Variants in CNMD observed in about 807,000 individuals in gnomAD.
The protein encoded by CNMD is chondromodulin.
In CNMD, 30 loss-of-function variants were observed where a neutral mutation model predicts 37.5. The ratio of observed to expected loss-of-function variants is 0.80; its 90% CI spans 0.60 to 1.09. The LOEUF (loss-of-function observed/expected upper bound fraction) is 1.09, where lower values mean the gene tolerates loss of function less well. CNMD is among the 50% of genes least tolerant of loss of function. The pLI is 0.00. For missense variants in CNMD, 398 were observed against 423.9 expected (o/e 0.94, Z 0.54); for synonymous variants, 167 against 148.2 (o/e 1.13, Z -0.92).
At chr13:52,717,844 A>T (rs1276538934) in intron 4 of CNMD, among the ~76,000 whole-genome samples, 2 of 152,160 alleles carry the variant, frequency 1.3e-5, no homozygotes, top group Non-Finnish European at 2.9e-5. Context: ...TATCAGGATG[A>T]TGCTGGTCTC....
At chr13:52,713,096 A>T (rs1169199773) in intron 4 of CNMD, among the ~76,000 whole-genome samples, 2 of 152,184 alleles carry the variant, frequency 1.3e-5, no homozygotes, top group African/African-American at 4.8e-5. Context: ...TAGCTGTACC[A>T]TGTGAATATA....
intron 5 of CNMD, among the ~76,000 whole-genome samples, chr13:52,708,936 T>C (rs902491498): frequency 6.6e-6 from 1 of 152,196 alleles, no homozygotes; most frequent in African/African-American, 2.4e-5. Context: ...AAGATGACAT[T>C]GTAAGATGGC....
chr13:52,732,267 C>T (rs1214861393), intron 3 of CNMD, among the ~76,000 whole-genome samples: 5 of 152,202 alleles, frequency 3.3e-5, no homozygotes, highest in African/African-American at 4.8e-5. Flanking sequence ...GTTTCACCTA[C>T]TCCATCTGCA....
intron 6 of CNMD, among the ~76,000 whole-genome samples, chr13:52,705,239 G>C (rs1964155137): frequency 6.6e-6 from 1 of 152,098 alleles, no homozygotes; most frequent in South Asian, 2.1e-4. Context: ...GTATTTTAAA[G>C]TAAATTCTGA....
chr13:52,735,740 G>A (rs1329000632), intron 2 of CNMD, among the ~76,000 whole-genome samples: 3 of 151,068 alleles, frequency 2.0e-5, no homozygotes, highest in Non-Finnish European at 2.9e-5. Context: ...GTGTTGGGTT[G>A]TATTCAAAAC....
chr13:52,726,302 T>A (rs541871955), intron 3 of CNMD, among the ~76,000 whole-genome samples: 1 of 152,308 alleles, frequency 6.6e-6, no homozygotes, highest in African/African-American at 2.4e-5. Flanking sequence ...GACTACCATA[T>A]GAAAGAGAAA....
intron 5 of CNMD, among the ~76,000 whole-genome samples, chr13:52,711,615 G>C (rs775442710): frequency 6.6e-6 from 1 of 152,230 alleles, no homozygotes; most frequent in Non-Finnish European, 1.5e-5. Context: ...ATCTTCTCCA[G>C]CTTTGGGACA....
At chr13:52,735,062 T>TGTC (rs35813422) in intron 2 of CNMD, among the ~76,000 whole-genome samples, 15,586 of 152,224 alleles carry the variant, frequency 0.1, 961 homozygotes, top group African/African-American at 0.18. Flanking sequence ...TGCAATTTAC[T>TGTC]GTCTCCTAGG....
At chr13:52,719,137 C>T (rs796138662) in intron 4 of CNMD, among the ~76,000 whole-genome samples, 1 of 121,956 alleles carries the variant, frequency 8.2e-6, no homozygotes, top group Non-Finnish European at 1.8e-5. Flanking sequence ...TTATCAGAGA[C>T]TAGGATTGCA....
chr13:52,735,780 T>C (rs1203900265), intron 2 of CNMD, among the ~76,000 whole-genome samples: 1 of 151,642 alleles, frequency 6.6e-6, no homozygotes, highest in African/African-American at 2.4e-5. Flanking sequence ...GACCACAGAT[T>C]GGACAAGCTT....
chr13:52,735,827 C>CTT (rs34873599), intron 2 of CNMD, among the ~76,000 whole-genome samples: 22 of 120,606 alleles, frequency 1.8e-4, no homozygotes, highest in East Asian at 4.4e-4. Context: ...TGCGGCCCAC[C>CTT]TTTTTTTTTT....
chr13:52,727,063 C>T (rs529280405), intron 3 of CNMD, among the ~76,000 whole-genome samples: 27 of 152,034 alleles, frequency 1.8e-4, no homozygotes, highest in African/African-American at 3.1e-4. Context: ...GTCAGGAGTT[C>T]GAGACCAGCC....
chr13:52,723,972 C>T (rs1425437178), intron 4 of CNMD, 25 bp downstream of exon 4: 1 of 1,409,708 alleles, frequency 7.1e-7, no homozygotes, highest in Admixed American at 1.7e-5. Flanking sequence ...AGCAGTCTCA[C>T]TGTCTCAGGC....
At chr13:52,710,193 G>T (rs1023295803) in intron 5 of CNMD, among the ~76,000 whole-genome samples, 1 of 152,168 alleles carries the variant, frequency 6.6e-6, no homozygotes, top group African/African-American at 2.4e-5. Flanking sequence ...GAACTAAGAT[G>T]TGCTTTAAAG....
intron 3 of CNMD, among the ~76,000 whole-genome samples, chr13:52,728,595 T>C (rs1363666495): frequency 6.6e-6 from 1 of 152,160 alleles, no homozygotes; most frequent in East Asian, 1.9e-4. Context: ...GGCATGTAAA[T>C]TTAGGACTCA....
intron 3 of CNMD, among the ~76,000 whole-genome samples, chr13:52,727,725 T>C (rs1964599595): frequency 6.6e-6 from 1 of 152,138 alleles, no homozygotes; most frequent in Non-Finnish European, 1.5e-5. Context: ...ATGTTCTCTC[T>C]CCTATGTGGG....
rs1594294229 is a variant in CNMD, at chr13:52,739,379, G to A, written c.73-208C>T. 1.5e-6 allele frequency: 1 copy of A among 672,570 alleles called. No homozygotes were observed. 41.7% of individuals were successfully genotyped at this position (672,570 alleles called of 1,614,324 possible). A position where few individuals can be genotyped will look rare whatever the true frequency, so the allele number is the denominator to read the frequency against. ...CGTGGAAGTGGGATGAGCAAACCCC[G>A]CAGCACAGGGCCTTCGCCCCAGGAC... On this transcript the variant is annotated intron_variant, in intron 1 of 6. Coordinates refer to ENST00000377962, the MANE Select transcript of CNMD (RefSeq NM_007015.3). This position sits in a 1 kb window ranked among gnomAD's most constrained non-coding sequence, Gnocchi z 5.4.
chr13:52,708,919 C>G (rs1397478602), intron 5 of CNMD, among the ~76,000 whole-genome samples: 1 of 152,088 alleles, frequency 6.6e-6, no homozygotes, highest in Non-Finnish European at 1.5e-5. Context: ...TTTTGTAATA[C>G]TAATTGAAGA....
chr13:52,717,920 C>G (rs747135700), intron 4 of CNMD, among the ~76,000 whole-genome samples: 4 of 152,126 alleles, frequency 2.6e-5, no homozygotes, highest in Non-Finnish European at 4.4e-5. Context: ...AAGAATGGTA[C>G]CAGCTCCTCT....
Sources: gnomAD v4.1 joint callset for allele counts (sites outside exome capture counted in the v4.1 genomes callset) on GRCh38, gnomAD v4.1.1 for gene constraint, Gnocchi (gnomAD v3.1) non-coding constraint, MANE v1.5 for transcripts, NCBI Gene and HGNC (gene_info 2026-07-23, HGNC 2026-07-21) for gene names.